The following MARCHF10 variants were observed in gnomAD, a reference collection of about 807,000 sequenced individuals.
The protein encoded by MARCHF10 is membrane associated ring-CH-type finger 10.
In MARCHF10, 64 loss-of-function variants were observed where a neutral mutation model predicts 76.2. The ratio of observed to expected loss-of-function variants is 0.84; its 90% CI spans 0.69 to 1.03. The LOEUF is 1.03. MARCHF10 is among the 50% of genes least tolerant of loss of function. MARCHF10 has a pLI of 0.00. For synonymous variants in MARCHF10, 340 were observed against 357.5 expected (o/e 0.95, Z 0.55); for missense variants, 875 against 958.0 (o/e 0.91, Z 1.14).
At chr17:62,710,550 CTTTTTTTTTTTT>C (rs552647502) in intron 9 of MARCHF10, among the ~76,000 whole-genome samples, 1 of 88,620 alleles carries the variant, frequency 1.1e-5, no homozygotes, top group South Asian at 3.8e-4. Flanking sequence ...TTGAACCCAG[CTTTTTTTTTTTT>C]TTTTTTTTTT....
At chr17:62,774,683 G>T (rs751651660) in intron 3 of MARCHF10, among the ~76,000 whole-genome samples, 1 of 152,064 alleles carries the variant, frequency 6.6e-6, no homozygotes, top group South Asian at 2.1e-4. Context: ...CTCCTGTAAC[G>T]TCCTCTCTAC....
chr17:62,759,766 CG>C, intron 4 of MARCHF10, 68 bp downstream of exon 4: 1 of 1,513,940 alleles, frequency 6.6e-7, no homozygotes, highest in Admixed American at 1.8e-5. Context: ...CCACCGTGCT[CG>C]GCCTGTTGTT....
chr17:62,724,592 C>CGCT (rs891479613), intron 7 of MARCHF10, among the ~76,000 whole-genome samples: 2 of 152,122 alleles, frequency 1.3e-5, no homozygotes, highest in African/African-American at 4.8e-5. Flanking sequence ...GAGCTTCCAC[C>CGCT]GCTGACCCAC....
chr17:62,740,001 TCAC>T (rs982642795), intron 5 of MARCHF10, among the ~76,000 whole-genome samples: 4 of 152,042 alleles, frequency 2.6e-5, no homozygotes, highest in African/African-American at 9.6e-5. Flanking sequence ...CCCTGTCTCG[TCAC>T]CACAATGGTC....
At chr17:62,768,837 G>A (rs188786412) in intron 3 of MARCHF10, among the ~76,000 whole-genome samples, 21 of 152,216 alleles carry the variant, frequency 1.4e-4, no homozygotes, top group African/African-American at 3.9e-4. Flanking sequence ...AAATTTAATC[G>A]TTCCATCATA....
chr17:62,748,041 T>C (rs896924441), intron 4 of MARCHF10, among the ~76,000 whole-genome samples: 1 of 152,178 alleles, frequency 6.6e-6, no homozygotes, highest in African/African-American at 2.4e-5. Context: ...TTCTCTTCTC[T>C]GTCTGTAAGT....
intron 6 of MARCHF10, among the ~76,000 whole-genome samples, chr17:62,728,197 A>AT (rs35416243): frequency 0.42 from 63,131 of 150,680 alleles, 13,409 homozygotes; most frequent in African/African-American, 0.51. Flanking sequence ...GCTAATTTTA[A>AT]TTTTTTTTTT....
At chr17:62,735,885 G>A (rs939598010) in intron 6 of MARCHF10, 46 bp downstream of exon 6, 2 of 1,547,114 alleles carry the variant, frequency 1.3e-6, no homozygotes, top group South Asian at 1.2e-5. Context: ...TGCTAATTTT[G>A]GCCTTGGGAA....
At chr17:62,774,710 C>G (rs970539572) in intron 3 of MARCHF10, among the ~76,000 whole-genome samples, 64 of 152,188 alleles carry the variant, frequency 4.2e-4, no homozygotes, top group African/African-American at 1.5e-3. Context: ...TCCCCAGCCT[C>G]ACCTCCAGAT....
intron 5 of MARCHF10, among the ~76,000 whole-genome samples, chr17:62,741,455 C>T (rs2091500948): frequency 6.6e-6 from 1 of 152,180 alleles, no homozygotes; most frequent in Admixed American, 6.5e-5. Flanking sequence ...AAGCATCTCT[C>T]TCATAACTGT....
Position 62,793,451 on chromosome 17 carries a change from TCACCACCACCATCACCACCACCATCAC to T in MARCHF10, c.91-4879_91-4853del, listed in dbSNP as rs1568220368. 1.3e-4 allele frequency among the ~76,000 whole-genome samples: 6 copies of T among 47,568 alleles called. No individual in the cohort carries two copies. In the Admixed American group the frequency reaches 1.3e-3, roughly 10 times the overall value. The allele number at this position is 47,568 out of a possible 152,430, so 31.2% of individuals were successfully genotyped here. A position where few individuals can be genotyped will look rare whatever the true frequency, so the allele number is the denominator to read the frequency against. On this transcript the variant is annotated intron_variant, in intron 2 of 10. Coordinates refer to ENST00000311269, the MANE Select transcript of MARCHF10 (RefSeq NM_152598.4). ...ACTACCACCACAACCATCACCACCA[TCACCACCACCATCACCACCACCATCAC>T]CACCACCTCCATCACCACCACCACC...
At chr17:62,750,763 C>T (rs1445334585) in intron 4 of MARCHF10, among the ~76,000 whole-genome samples, 5 of 152,244 alleles carry the variant, frequency 3.3e-5, no homozygotes, top group Non-Finnish European at 7.3e-5. Context: ...CAGTCTCCAG[C>T]GTCCCTGACA....
intron 8 of MARCHF10, among the ~76,000 whole-genome samples, chr17:62,719,014 A>C (rs903694526): frequency 5.9e-5 from 9 of 152,230 alleles, no homozygotes; most frequent in Non-Finnish European, 1.2e-4. Context: ...TTAAAATTTT[A>C]AACAAGGAAA....
intron 2 of MARCHF10, among the ~76,000 whole-genome samples, chr17:62,793,082 C>T (rs1282368156): frequency 1.3e-5 from 2 of 149,634 alleles, no homozygotes; most frequent in Non-Finnish European, 3.0e-5. Flanking sequence ...TCCATCACCA[C>T]CACCACCTCC....
chr17:62,753,075 C>T (rs2091942714), intron 4 of MARCHF10, among the ~76,000 whole-genome samples: 1 of 152,142 alleles, frequency 6.6e-6, no homozygotes, highest in Non-Finnish European at 1.5e-5. Flanking sequence ...TAGCCTGACC[C>T]TAAACCAGAA....
intron 3 of MARCHF10, among the ~76,000 whole-genome samples, chr17:62,786,741 C>G (rs546749695): frequency 6.6e-6 from 1 of 152,060 alleles, no homozygotes; most frequent in Non-Finnish European, 1.5e-5. Context: ...AATCTGACAC[C>G]AGCTTGTTCC....
intron 3 of MARCHF10, 43 bp from the exon 4 acceptor site, chr17:62,760,049 G>A: frequency 6.4e-7 from 1 of 1,555,876 alleles, no homozygotes; most frequent in African/African-American, 1.4e-5. Context: ...GGCCAAGTAG[G>A]TCAACTTTGT....
Position 62,774,777 on chromosome 17 carries a change from C to T in MARCHF10, c.210+13703G>A, listed in dbSNP as rs142697374. ...CTTAAAAATCTGCATCCTCAAAGGCCGGGCATGGTGGCTCACGCCTGTAAT... is the reference window on the plus strand; with the variant it reads ...CTTAAAAATCTGCATCCTCAAAGGCTGGGCATGGTGGCTCACGCCTGTAAT... On this transcript the variant is annotated intron_variant, in intron 3 of 10. Transcript: ENST00000311269. Among the ~76,000 whole-genome samples, 1,050 of 152,194 alleles carry T rather than the reference C, an allele frequency of 6.9e-3. 4 individuals are homozygous for T. Among genetic ancestry groups the T allele is most frequent in the Middle Eastern group, 0.031 (9 of 294 alleles).
chr17:62,785,335 G>A (rs899856006), intron 3 of MARCHF10, among the ~76,000 whole-genome samples: 6 of 152,128 alleles, frequency 3.9e-5, no homozygotes, highest in African/African-American at 1.4e-4. Context: ...GTAGAAAGCT[G>A]AAACTGAATC....
Sources: gnomAD v4.1 joint callset for allele counts (sites outside exome capture counted in the v4.1 genomes callset) on GRCh38, gnomAD v4.1.1 for gene constraint, MANE v1.5 for transcripts, NCBI Gene and HGNC (gene_info 2026-07-23, HGNC 2026-07-21) for gene names.